Variants in FAM81B observed in about 807,000 individuals in gnomAD.
FAM81B encodes family with sequence similarity 81 member B.
In FAM81B, 60 loss-of-function variants were observed where a neutral mutation model predicts 58.7. The observed-to-expected ratio is 1.02, with a 90% confidence interval of 0.83 to 1.27. FAM81B has a LOEUF of 1.27. FAM81B is among the 50% of genes most tolerant of loss of function. FAM81B has a pLI of 0.00. For synonymous variants in FAM81B, 189 were observed against 179.6 expected, an observed-to-expected ratio of 1.05 and a Z score of -0.42; for missense variants, 491 against 522.0, an observed-to-expected ratio of 0.94 and a Z score of 0.58.
intron 7 of FAM81B, among the ~76,000 whole-genome samples, chr5:95,443,564 T>C (rs1057307153): frequency 8.5e-5 from 13 of 152,220 alleles, no homozygotes; most frequent in Admixed American, 3.9e-4. Context: ...ACTGCTGAGA[T>C]TTTAACTGTA....
intron 3 of FAM81B, 66 bp downstream of exon 3, chr5:95,396,241 A>G: frequency 1.6e-6 from 2 of 1,244,568 alleles, no homozygotes; most frequent in Non-Finnish European, 2.3e-6. Flanking sequence ...TCTCACACGC[A>G]AAAAAGAAAA....
chr5:95,444,620 G>T (rs954519869), intron 7 of FAM81B, among the ~76,000 whole-genome samples: 1 of 152,044 alleles, frequency 6.6e-6, no homozygotes, highest in Non-Finnish European at 1.5e-5. Context: ...CTAAGAACAC[G>T]AATAGAAACC....
intron 4 of FAM81B, among the ~76,000 whole-genome samples, chr5:95,416,245 A>T (rs1302390188): frequency 6.6e-6 from 1 of 152,234 alleles, no homozygotes; most frequent in African/African-American, 2.4e-5. Flanking sequence ...AACCTCATTA[A>T]CCAGGTCAGC....
intron 2 of FAM81B, among the ~76,000 whole-genome samples, chr5:95,394,236 A>G (rs1761904873): frequency 6.6e-6 from 1 of 152,204 alleles, no homozygotes; most frequent in African/African-American, 2.4e-5. Context: ...CTTTCAAGTA[A>G]GACTTAAAAA....
rs553740543 is a variant in FAM81B, at chr5:95,443,596, T to C, written c.894-2966T>C. The stretch of plus-strand genomic sequence containing the variant: ...TGTAAGTTCTGTAATTAATATATTA[T>C]GGCAAATCATGTCCATTATGTCCGG... On this transcript the variant is annotated intron_variant, in intron 7 of 9. Transcript: ENST00000283357. Among the ~76,000 whole-genome samples the C allele has an allele frequency of 3.3e-5, 5 of 152,286 alleles. No individual in the cohort carries two copies. In the South Asian group the frequency reaches 1.0e-3, roughly 32 times the overall value.
chr5:95,434,595 T>C (rs1448368445), intron 6 of FAM81B, among the ~76,000 whole-genome samples: 1 of 152,224 alleles, frequency 6.6e-6, no homozygotes, highest in Non-Finnish European at 1.5e-5. Flanking sequence ...TTCACAGGTT[T>C]CAGACTGAGG....
At chr5:95,444,580 C>A (rs1229047673) in intron 7 of FAM81B, among the ~76,000 whole-genome samples, 2 of 152,138 alleles carry the variant, frequency 1.3e-5, no homozygotes, top group Non-Finnish European at 2.9e-5. Flanking sequence ...TGTTAACCAA[C>A]AGCACAGGTG....
intron 9 of FAM81B, among the ~76,000 whole-genome samples, chr5:95,449,816 A>T (rs1745730498): frequency 6.6e-6 from 1 of 152,250 alleles, no homozygotes; most frequent in Non-Finnish European, 1.5e-5. Context: ...ACTGAAAAAA[A>T]ATCACACAAG....
chr5:95,424,283 C>T (rs960541993), intron 5 of FAM81B: 16 of 1,206,674 alleles, frequency 1.3e-5, no homozygotes, highest in Admixed American at 4.6e-5. Flanking sequence ...AGACAGAAGA[C>T]AGACAGATAG....
In FAM81B at chr5:95,406,926, A is replaced by C. The variant is rs532912559; in HGVS notation, c.294-7021A>C. ...TTACTTTAGCTCCCATGTTCTCACTAACTCTCAATTCTGTATTGCTTGCTG... is the reference window on the plus strand; with the variant it reads ...TTACTTTAGCTCCCATGTTCTCACTCACTCTCAATTCTGTATTGCTTGCTG... On this transcript the variant is annotated intron_variant, in intron 3 of 9. Transcript: ENST00000283357. 1.2e-3 allele frequency among the ~76,000 whole-genome samples: 175 copies of C among 152,130 alleles called. 2 individuals are homozygous for C. Among genetic ancestry groups the C allele is most frequent in the African/African-American group, 4.2e-3 (173 of 41,490 alleles).
At chr5:95,426,508 T>C (rs1333682398) in intron 5 of FAM81B, among the ~76,000 whole-genome samples, 3 of 152,196 alleles carry the variant, frequency 2.0e-5, no homozygotes, top group African/African-American at 7.2e-5. Flanking sequence ...TGTCAGGCAC[T>C]GGCTAAATGC....
chr5:95,410,267 GC>G (rs1345832339), intron 3 of FAM81B, among the ~76,000 whole-genome samples: 1 of 152,144 alleles, frequency 6.6e-6, no homozygotes, highest in African/African-American at 2.4e-5. Flanking sequence ...CTATGAGTGG[GC>G]CAGGAAGCCG....
chr5:95,418,012 T>C (rs1762581480), intron 4 of FAM81B, among the ~76,000 whole-genome samples: 2 of 152,240 alleles, frequency 1.3e-5, no homozygotes, highest in African/African-American at 4.8e-5. Context: ...GTGGTTTCAC[T>C]TTCTGTGATT....
At chr5:95,417,117 A>G (rs536400931) in intron 4 of FAM81B, among the ~76,000 whole-genome samples, 93 of 152,316 alleles carry the variant, frequency 6.1e-4, no homozygotes, top group African/African-American at 2.1e-3. Context: ...CATAGTATCT[A>G]TTCTTAGAAG....
chr5:95,408,206 G>T (rs1762316035), intron 3 of FAM81B, among the ~76,000 whole-genome samples: 1 of 152,036 alleles, frequency 6.6e-6, no homozygotes, highest in Admixed American at 6.6e-5. Context: ...AACAAAACTA[G>T]CTTGCTTCTT....
intron 7 of FAM81B, among the ~76,000 whole-genome samples, chr5:95,442,367 G>A (rs1001275938): frequency 6.6e-6 from 1 of 152,154 alleles, no homozygotes; most frequent in Admixed American, 6.6e-5. Flanking sequence ...ATTTATGAAT[G>A]CTTACCAACC....
chr5:95,436,954 T>A, intron 7 of FAM81B, 48 bp downstream of exon 7: 7 of 1,452,588 alleles, frequency 4.8e-6, no homozygotes, highest in Non-Finnish European at 4.8e-6. Context: ...TTCCAAAGAG[T>A]TTTGCCTAAT....
intron 2 of FAM81B, among the ~76,000 whole-genome samples, chr5:95,394,569 C>A (rs1276037043): frequency 6.6e-6 from 1 of 152,184 alleles, no homozygotes. Context: ...GCATCAGGTC[C>A]TCTGACTTAG....
chr5:95,424,317 T>C lies in FAM81B; in HGVS notation c.656+3915T>C, dbSNP rs1404823198. The C allele has an allele frequency of 6.0e-6, 6 of 997,060 alleles. No individual in the cohort carries two copies. In the Admixed American group the frequency reaches 1.4e-4, roughly 23 times the overall value. 61.8% of individuals were successfully genotyped at this position (997,060 alleles called of 1,614,324 possible). On this transcript the variant is annotated intron_variant, in intron 5 of 9. Coordinates refer to ENST00000283357, the MANE Select transcript of FAM81B (RefSeq NM_152548.3). ...AGATGATAGACAGACAGACAGATAA[T>C]AGATACATAAAACATAAGCAAAAGA...
Sources: gnomAD v4.1 joint callset for allele counts (sites outside exome capture counted in the v4.1 genomes callset) on GRCh38, gnomAD v4.1.1 for gene constraint, MANE v1.5 for transcripts, NCBI Gene and HGNC (gene_info 2026-07-23, HGNC 2026-07-21) for gene names.